BCOR: variants seen among roughly 807,000 people sequenced by gnomAD.
BCOR encodes BCL6 corepressor.
BCOR carries 10 observed loss-of-function variants against 86.7 expected under a neutral mutation model. That is an observed-to-expected ratio of 0.12 (90% CI 0.07 to 0.20). BCOR has a LOEUF of 0.20. Ranked by LOEUF, BCOR falls within the 10% of genes least tolerant of loss-of-function variation. The pLI is 1.00. For synonymous variants in BCOR, 611 were observed against 609.0 expected, an observed-to-expected ratio of 1.00 and a Z score of -0.05; for missense variants, 1,259 against 1,452.1, an observed-to-expected ratio of 0.87 and a Z score of 2.16.
chrX:40,064,482 T>C lies in BCOR; in HGVS notation c.3356A>G (p.Gln1119Arg). 2 of 1,212,430 alleles carry C rather than the reference T, an allele frequency of 1.6e-6. No individual in the cohort carries two copies. Among genetic ancestry groups the C allele is most frequent in the East Asian group, 3.0e-5 (1 of 33,857 alleles). ...RQPVSEPPADQVASDMPHSPT... is the reference protein window; with the variant it reads ...RQPVSEPPADRVASDMPHSPT... ...GCTGTGAGGCATGTCCGAGGCCACCTGGTCTGCGGGAGGCTCGCTCACAGG... is the reference window on the plus strand; with the variant it reads ...GCTGTGAGGCATGTCCGAGGCCACCCGGTCTGCGGGAGGCTCGCTCACAGG... The change falls in exon 7 of 15, where the codon CAG (glutamine) becomes CGG (arginine). Residue 1119 changes from glutamine to arginine, a missense_variant. Around this residue, in one of 7 missense-constraint regions of BCOR, gnomAD observed 305 missense variants for 286.1 expected, o/e 1.07. Coordinates refer to ENST00000378444, the MANE Select transcript of BCOR (RefSeq NM_001123385.2).
intron 14 of BCOR, among the ~76,000 whole-genome samples, 179 bp from the exon 15 acceptor site, chrX:40,052,579 TTTGG>T (rs1934371993): frequency 1.3e-5 from 1 of 75,731 alleles, no homozygotes; most frequent in African/African-American, 5.8e-5. Context: ...TTTTTTTTTT[TTTGG>T]AGACGGAATC....
intron 6 of BCOR, among the ~76,000 whole-genome samples, chrX:40,070,408 A>G (rs1422131339): frequency 1.8e-5 from 2 of 111,880 alleles, no homozygotes; most frequent in Non-Finnish European, 3.8e-5. Context: ...GTACTGAGGA[A>G]GATACTAGCC....
chrX:40,105,169 C>G, intron 1 of BCOR, among the ~76,000 whole-genome samples: 1 of 110,623 alleles, frequency 9.0e-6, no homozygotes, highest in Non-Finnish European at 1.9e-5. Flanking sequence ...GTCTCCGGAC[C>G]CCGCCTCCCC....
rs200745423 is a variant in BCOR at position 40,073,525 on chromosome X, C to T, written c.1821G>A (p.Lys607=). 9.1e-6 allele frequency: 11 copies of T among 1,211,430 alleles called. No individual in the cohort carries two copies. The highest frequency in any genetic ancestry group is 1.2e-5 in the Non-Finnish European group (11 of 895,541). Residue 607 remains lysine, a synonymous_variant, in exon 4 of 15, where the codon AAG becomes AAA. Coordinates refer to ENST00000378444, the MANE Select transcript of BCOR (RefSeq NM_001123385.2). The stretch of plus-strand genomic sequence containing the variant: ...CCTTGCTGCTGGTGCTGCTACTGTG[C>T]TTGGCAGGAGTGGCCGGGGGCTGGC... ...HVGQPPATPA[K]HSSSTSSKGA...
chrX:40,056,785 G>A (rs1277428207), intron 11 of BCOR, among the ~76,000 whole-genome samples: 1 of 111,382 alleles, frequency 9.0e-6, no homozygotes, highest in Non-Finnish European at 1.9e-5. Flanking sequence ...CGGAGGGGCA[G>A]CTGGCACTCT....
At chrX:40,157,960 T>G (rs1461717870) in intron 1 of BCOR, among the ~76,000 whole-genome samples, 4 of 112,666 alleles carry the variant, frequency 3.6e-5, no homozygotes, top group Non-Finnish European at 7.5e-5. Context: ...TGATTTCAAG[T>G]GCTTTGAGCC....
At position 40,064,696 on chromosome X, in the gene BCOR, A is replaced by T. The variant is rs189770797; in HGVS notation, c.3239-97T>A. The stretch of plus-strand genomic sequence containing the variant: ...GCGTGGGACCACCATGCCCAAGGTA[A>T]TCTGCTATTGACAGCTGCTTCTTTG... On this transcript the variant is annotated intron_variant, in intron 6 of 14. Transcript: ENST00000378444. 9.1e-6 allele frequency: 9 copies of T among 992,806 alleles called. No individual in the cohort carries two copies. The East Asian group carries it at 2.8e-4, about 30-fold the overall frequency. 81.8% of individuals were successfully genotyped at this position (992,806 alleles called of 1,213,427 possible).
At chrX:40,104,619 C>A (rs1246007045) in intron 1 of BCOR, among the ~76,000 whole-genome samples, 2 of 111,166 alleles carry the variant, frequency 1.8e-5, no homozygotes, top group Non-Finnish European at 1.9e-5. Flanking sequence ...GAGGCTCCCA[C>A]CCCCTGCCCC....
intron 1 of BCOR, among the ~76,000 whole-genome samples, chrX:40,139,478 T>A (rs1362053476): frequency 8.3e-5 from 1 of 12,058 alleles, no homozygotes; most frequent in Non-Finnish European, 1.2e-4. Context: ...TATATATATA[T>A]ATATATATAT....
intron 1 of BCOR, among the ~76,000 whole-genome samples, chrX:40,112,048 G>C (rs932445405): frequency 1.0e-4 from 11 of 110,544 alleles, no homozygotes; most frequent in South Asian, 7.8e-4. Context: ...GGGCCGGGGT[G>C]GGGGGGCGGC....
At chrX:40,111,360 G>C (rs1416091794) in intron 1 of BCOR, among the ~76,000 whole-genome samples, 1 of 111,539 alleles carries the variant, frequency 9.0e-6, no homozygotes, top group Non-Finnish European at 1.9e-5. Context: ...TGTACACCTG[G>C]ACTTCTTGAA....
intron 1 of BCOR, among the ~76,000 whole-genome samples, chrX:40,133,686 T>C (rs1389107013): frequency 1.6e-4 from 17 of 109,130 alleles, no homozygotes; most frequent in African/African-American, 5.4e-4. Context: ...GGTCTCAATC[T>C]CCTGACCTCG....
chrX:40,083,772 C>T (rs1936222814), intron 1 of BCOR, among the ~76,000 whole-genome samples: 1 of 111,952 alleles, frequency 8.9e-6, no homozygotes, highest in Non-Finnish European at 1.9e-5. Flanking sequence ...GCCCTCGCGG[C>T]GCGCCCCCGC....
At chrX:40,153,847 TCGGAGC>T (rs1938222397) in intron 1 of BCOR, among the ~76,000 whole-genome samples, 2 of 110,917 alleles carry the variant, frequency 1.8e-5, no homozygotes, top group African/African-American at 6.6e-5. Flanking sequence ...CGTTGGGGAC[TCGGAGC>T]CGCAGCGAGA....
chrX:40,095,632 G>C (rs1936822589), intron 1 of BCOR, among the ~76,000 whole-genome samples: 1 of 112,350 alleles, frequency 8.9e-6, no homozygotes, highest in Non-Finnish European at 1.9e-5. Flanking sequence ...GTCTAGTCTA[G>C]ACGCAGCGAG....
At chrX:40,067,714 C>A (rs780562101) in intron 6 of BCOR, among the ~76,000 whole-genome samples, 4 of 111,617 alleles carry the variant, frequency 3.6e-5, no homozygotes, top group Non-Finnish European at 7.5e-5. Flanking sequence ...TCAGTGAAGG[C>A]CCCCAAACCT....
intron 9 of BCOR, 103 bp downstream of exon 9, chrX:40,062,643 G>T: frequency 1.2e-6 from 1 of 842,289 alleles, no homozygotes; most frequent in Non-Finnish European, 1.7e-6. Flanking sequence ...TGGTGTGGGG[G>T]AGGAGTCCAG....
intron 1 of BCOR, among the ~76,000 whole-genome samples, chrX:40,161,200 T>C (rs1327718623): frequency 1.0e-5 from 1 of 99,719 alleles, no homozygotes; most frequent in African/African-American, 3.7e-5. Flanking sequence ...TTTTTGGGGT[T>C]TTTTTTTGTT....
Position 40,073,363 on chromosome X carries a change from T to G in BCOR, c.1983A>C (p.Pro661=). ...GACTTACAGCAATGCCCTCAGGGGCTGGGTAAGGGAGGTAACTCCTGGGGT... is the reference window on the plus strand; with the variant it reads ...GACTTACAGCAATGCCCTCAGGGGCGGGGTAAGGGAGGTAACTCCTGGGGT... ...IPYPRSYLPY[P]APEGIAVSPL... Residue 661 remains proline (P), a synonymous_variant, in exon 4 of 15, where the codon CCA becomes CCC. Transcript: ENST00000378444. The G allele has an allele frequency of 8.3e-7, 1 of 1,212,010 alleles. No individual in the cohort carries two copies. The highest frequency in any genetic ancestry group is 1.8e-5 in the South Asian group (1 of 56,992).
Sources: allele counts gnomAD v4.1 joint callset (sites outside exome capture counted in the v4.1 genomes callset), GRCh38; gene constraint gnomAD v4.1.1; regional missense constraint gnomAD v4.1.1; transcripts MANE v1.5; gene names NCBI Gene and HGNC (gene_info 2026-07-23, HGNC 2026-07-21).